Variants in PBX3 observed in about 807,000 individuals in gnomAD.
PBX3 encodes the protein pre-B-cell leukemia transcription factor 3.
In PBX3, 14 loss-of-function variants were observed where a neutral mutation model predicts 48.5. The observed-to-expected ratio is 0.29, with a 90% CI of 0.19 to 0.45. PBX3 has a LOEUF of 0.45. PBX3 is among the 20% of genes least tolerant of loss of function. The pLI is 1.00. For synonymous variants in PBX3, 210 were observed against 200.3 expected (o/e 1.05, Z -0.41); for missense variants, 386 against 546.7 (o/e 0.71, Z 2.93).
chr9:125,837,920 CT>C (rs1475658451), intron 2 of PBX3, among the ~76,000 whole-genome samples: 1 of 152,108 alleles, frequency 6.6e-6, no homozygotes, highest in African/African-American at 2.4e-5. Context: ...TTTTGTTGGT[CT>C]TTTTTCAAAA....
intron 2 of PBX3, among the ~76,000 whole-genome samples, chr9:125,886,280 C>T (rs1007127893): frequency 6.6e-6 from 1 of 151,992 alleles, no homozygotes; most frequent in Admixed American, 6.5e-5. Context: ...GTCTCAAAAC[C>T]CACTGTGGAA....
chr9:125,905,060 T>A (rs1057229044), intron 2 of PBX3, among the ~76,000 whole-genome samples: 6 of 151,996 alleles, frequency 3.9e-5, no homozygotes, highest in Admixed American at 2.0e-4. Flanking sequence ...ATCATATTTA[T>A]CTTAATGCAT....
Position 125,764,911 on chromosome 9 carries a change from T to A in PBX3, c.274+16288T>A, listed in dbSNP as rs1162172107. Among the ~76,000 whole-genome samples, 3 of 152,354 alleles carry A rather than the reference T, an allele frequency of 2.0e-5. No homozygotes were observed. The East Asian group carries it at 5.8e-4, about 29-fold the overall frequency. The stretch of plus-strand genomic sequence containing the variant: ...TGGTTTGTCTAGATATTCTGTTACC[T>A]CTGCCTAGTTTTGTAGACATGGGGT... On this transcript the variant is annotated intron_variant, in intron 2 of 8. Coordinates refer to ENST00000373489, the MANE Select transcript of PBX3 (RefSeq NM_006195.6).
At chr9:125,774,201 C>T (rs1242752399) in intron 2 of PBX3, among the ~76,000 whole-genome samples, 2 of 152,150 alleles carry the variant, frequency 1.3e-5, no homozygotes, top group South Asian at 4.1e-4. Context: ...GGAGCTGCTA[C>T]ACACTTTTAA....
At chr9:125,817,993 G>T (rs983785594) in intron 2 of PBX3, among the ~76,000 whole-genome samples, 1 of 152,140 alleles carries the variant, frequency 6.6e-6, no homozygotes, top group Non-Finnish European at 1.5e-5. Context: ...ACGAGGTCAG[G>T]AGATCGAGAC....
intron 2 of PBX3, among the ~76,000 whole-genome samples, chr9:125,863,115 C>G (rs749444908): frequency 5.7e-4 from 86 of 151,904 alleles, no homozygotes; most frequent in Non-Finnish European, 6.8e-4. Flanking sequence ...CCAGGCTGGT[C>G]TTGAACTCCT....
chr9:125,888,143 G>T (rs1364975047), intron 2 of PBX3, among the ~76,000 whole-genome samples: 3 of 152,130 alleles, frequency 2.0e-5, no homozygotes, highest in Non-Finnish European at 4.4e-5. Context: ...GGAGAAAAAT[G>T]ATTTAATGTG....
At chr9:125,800,941 C>T (rs112280940) in intron 2 of PBX3, among the ~76,000 whole-genome samples, 3,912 of 151,808 alleles carry the variant, frequency 0.026, 68 homozygotes, top group Middle Eastern at 0.051. Flanking sequence ...TTAGTAGAGA[C>T]GGGATTTCAC....
chr9:125,755,672 G>GTGTTTTTTTTTTT (rs1836494842), intron 2 of PBX3, among the ~76,000 whole-genome samples: 1 of 95,232 alleles, frequency 1.1e-5, no homozygotes. Context: ...GAGGAGCTTT[G>GTGTTTTTTTTTTT]TTTTTTTTTT....
At chr9:125,959,097 C>T (rs1443531822) in intron 5 of PBX3, among the ~76,000 whole-genome samples, 1 of 152,216 alleles carries the variant, frequency 6.6e-6, no homozygotes, top group African/African-American at 2.4e-5. Flanking sequence ...CCACTCCCAT[C>T]TACCACCTAG....
intron 2 of PBX3, among the ~76,000 whole-genome samples, chr9:125,751,218 C>T (rs1386611524): frequency 6.6e-6 from 1 of 152,126 alleles, no homozygotes; most frequent in African/African-American, 2.4e-5. Context: ...GTTGATGACT[C>T]TATTCTGCTT....
chr9:125,840,343 G>A (rs1400456909), intron 2 of PBX3, among the ~76,000 whole-genome samples: 1 of 151,896 alleles, frequency 6.6e-6, no homozygotes, highest in Non-Finnish European at 1.5e-5. Context: ...CTTCTGGTCA[G>A]ATGTAAATAA....
At chr9:125,913,234 A>C (rs1391868600) in intron 2 of PBX3, among the ~76,000 whole-genome samples, 1 of 152,094 alleles carries the variant, frequency 6.6e-6, no homozygotes, top group East Asian at 1.9e-4. Flanking sequence ...TTTCTGATGA[A>C]ATTTGATGCA....
chr9:125,908,204 TTA>T (rs2132443685), intron 2 of PBX3, among the ~76,000 whole-genome samples: 1 of 152,224 alleles, frequency 6.6e-6, no homozygotes, highest in Non-Finnish European at 1.5e-5. Context: ...TGGGAGGAAC[TTA>T]TTGAAGTCTG....
At chr9:125,881,672 G>C (rs1272552636) in intron 2 of PBX3, among the ~76,000 whole-genome samples, 10 of 152,026 alleles carry the variant, frequency 6.6e-5, no homozygotes, top group Admixed American at 5.9e-4. Context: ...AGGCTAGGGT[G>C]TAGCAGTAGG....
Position 125,963,008 on chromosome 9 carries a change from C to G in PBX3, c.1123-4C>G, listed in dbSNP as rs1842461296. 1 of 1,583,396 alleles carries G rather than the reference C, an allele frequency of 6.3e-7. No individual in the cohort carries two copies. The highest frequency in any genetic ancestry group is 8.7e-7 in the Non-Finnish European group (1 of 1,154,682). On this transcript the variant is annotated splice_polypyrimidine_tract_variant and splice_region_variant and intron_variant, in intron 7 of 8. Coordinates refer to ENST00000373489, the MANE Select transcript of PBX3 (RefSeq NM_006195.6). ...TGATGAATTTTGTTTTGTCTCACTTCTAGGTGGATACCCTCCGTCATGTTA... is the reference window on the plus strand; with the variant it reads ...TGATGAATTTTGTTTTGTCTCACTTGTAGGTGGATACCCTCCGTCATGTTA...
intron 2 of PBX3, among the ~76,000 whole-genome samples, chr9:125,832,320 C>T (rs559801768): frequency 1.7e-4 from 26 of 152,068 alleles, no homozygotes; most frequent in Non-Finnish European, 2.8e-4. Flanking sequence ...CTCAGCCTCC[C>T]GAGTAGCTGG....
intron 5 of PBX3, 47 bp downstream of exon 5, chr9:125,935,654 A>G (rs757753573): frequency 6.5e-7 from 1 of 1,537,548 alleles, no homozygotes; most frequent in Admixed American, 1.9e-5. Context: ...GGAGACAGGA[A>G]CCTCATTCCT....
intron 2 of PBX3, among the ~76,000 whole-genome samples, chr9:125,882,502 G>T (rs1452436778): frequency 6.6e-6 from 1 of 152,182 alleles, no homozygotes; most frequent in Non-Finnish European, 1.5e-5. Context: ...TTTTAAGTGG[G>T]TGGTTGGGTA....
Sources: allele counts gnomAD v4.1 joint callset (sites outside exome capture counted in the v4.1 genomes callset), GRCh38; gene constraint gnomAD v4.1.1; transcripts MANE v1.5; gene names NCBI Gene and HGNC (gene_info 2026-07-23, HGNC 2026-07-21).